The following VDAC1 variants were observed in gnomAD, a reference collection of about 807,000 sequenced individuals.
VDAC1 encodes the protein non-selective voltage-gated ion channel VDAC1.
Under a neutral mutation model 34.7 loss-of-function variants are expected in VDAC1, and 10 were observed. The observed-to-expected ratio is 0.29, with a 90% CI of 0.18 to 0.49. VDAC1 has a LOEUF of 0.49. Ranked by LOEUF, VDAC1 falls within the 20% of genes least tolerant of loss-of-function variation. The probability of loss-of-function intolerance (pLI) is 0.99; values close to 1 mark genes in which losing one functional copy is unlikely to be tolerated. For synonymous variants in VDAC1, 130 were observed against 136.0 expected, an observed-to-expected ratio of 0.96 and a Z score of 0.30; for missense variants, 230 against 347.9, an observed-to-expected ratio of 0.66 and a Z score of 2.69.
upstream of VDAC1, among the ~76,000 whole-genome samples, chr5:134,008,748 TG>T (rs1223472154): frequency 1.3e-5 from 2 of 152,218 alleles, no homozygotes; most frequent in Admixed American, 6.5e-5. Flanking sequence ...AAGGCAGAAA[TG>T]GTAGTCATTT....
At chr5:134,094,979 C>G in the VDAC1 span, among the ~76,000 whole-genome samples, 1 of 152,226 alleles carries the variant, frequency 6.6e-6, no homozygotes, top group Non-Finnish European at 1.5e-5. Context: ...CCAAGAGTCA[C>G]CCCATTTGGG....
At chr5:134,077,016 C>A in the VDAC1 span, among the ~76,000 whole-genome samples, 1 of 152,122 alleles carries the variant, frequency 6.6e-6, no homozygotes, top group Admixed American at 6.6e-5. Context: ...CGGTAGCTCA[C>A]CGCTGTAATC....
At chr5:134,059,548 C>T in the VDAC1 span, among the ~76,000 whole-genome samples, 7 of 152,156 alleles carry the variant, frequency 4.6e-5, no homozygotes, top group South Asian at 4.2e-4. Context: ...GCTAGAAGCC[C>T]GTCGCGCTGT....
chr5:134,082,857 T>C, the VDAC1 span, among the ~76,000 whole-genome samples: 1 of 152,246 alleles, frequency 6.6e-6, no homozygotes, highest in Non-Finnish European at 1.5e-5. Flanking sequence ...TTGTCAGCCA[T>C]TCCTATATAT....
chr5:134,036,776 A>C, the VDAC1 span, among the ~76,000 whole-genome samples: 1 of 151,872 alleles, frequency 6.6e-6, no homozygotes, highest in East Asian at 1.9e-4. Flanking sequence ...ACACAGTGAA[A>C]CCTCATCTCT....
chr5:134,043,277 A>T, the VDAC1 span, among the ~76,000 whole-genome samples: 1 of 152,218 alleles, frequency 6.6e-6, no homozygotes, highest in Non-Finnish European at 1.5e-5. Context: ...GCCCAGTCTC[A>T]TGTGAGCTTC....
chr5:133,972,435 TC>T lies in VDAC1; in HGVS notation c.*335del. On this transcript the variant is annotated 3_prime_UTR_variant, in exon 9 of 9. Transcript: ENST00000265333. ...GAACCAAGGTTCGATTCTCAGGAAA[TC>T]ACAATTTCATTCATTTACTCAATAT... is the stretch of plus-strand genomic sequence containing the variant. 1 of 429,824 alleles carries T rather than the reference TC, an allele frequency of 2.3e-6. No individual in the cohort carries two copies. The highest frequency in any genetic ancestry group is 3.4e-5 in the East Asian group (1 of 29,066). The allele number at this position is 429,824 out of a possible 1,614,324, so 26.6% of individuals were successfully genotyped here.
At chr5:134,092,675 CAAAAAAAAAAA>C in the VDAC1 span, among the ~76,000 whole-genome samples, 5 of 97,038 alleles carry the variant, frequency 5.2e-5, no homozygotes, top group South Asian at 1.6e-3. Context: ...GATTCCGTCT[CAAAAAAAAAAA>C]AAAAAAGATG....
the VDAC1 span, among the ~76,000 whole-genome samples, chr5:134,077,076 C>T: frequency 6.6e-6 from 1 of 152,026 alleles, no homozygotes; most frequent in Admixed American, 6.5e-5. Flanking sequence ...GCCAGGAGTT[C>T]GAGACCAGTC....
chr5:134,035,439 G>C, the VDAC1 span, among the ~76,000 whole-genome samples: 1 of 152,116 alleles, frequency 6.6e-6, no homozygotes, highest in East Asian at 1.9e-4. Context: ...GTAGAAAAGA[G>C]GTCTCATCAT....
the VDAC1 span, among the ~76,000 whole-genome samples, chr5:134,110,801 T>C: frequency 6.6e-6 from 1 of 152,260 alleles, no homozygotes; most frequent in Non-Finnish European, 1.5e-5. Context: ...AGGGTCTCCC[T>C]GTCAGAAAAG....
chr5:134,089,083 G>A, the VDAC1 span, among the ~76,000 whole-genome samples: 2 of 152,242 alleles, frequency 1.3e-5, no homozygotes, highest in African/African-American at 2.4e-5. Flanking sequence ...GCCTGCACCA[G>A]CCAGGGGTGC....
the VDAC1 span, among the ~76,000 whole-genome samples, chr5:134,063,450 T>C: frequency 6.6e-6 from 1 of 152,170 alleles, no homozygotes; most frequent in African/African-American, 2.4e-5. Context: ...ATTGATTCAG[T>C]GATTTGCTTT....
chr5:133,992,267 A>G (rs758023709), intron 3 of VDAC1, 39 bp downstream of exon 3: 4 of 1,360,462 alleles, frequency 2.9e-6, no homozygotes, highest in African/African-American at 3.0e-5. Context: ...AAATAAAAAT[A>G]AATAAATACT....
the VDAC1 span, among the ~76,000 whole-genome samples, chr5:134,097,838 C>T: frequency 6.6e-6 from 1 of 152,234 alleles, no homozygotes; most frequent in East Asian, 1.9e-4. Context: ...ACAAGTCTTG[C>T]CAACACAAGG....
At chr5:134,069,093 G>A in the VDAC1 span, among the ~76,000 whole-genome samples, 5,733 of 150,908 alleles carry the variant, frequency 0.038, 370 homozygotes, top group African/African-American at 0.13. Context: ...CACCCACACA[G>A]CCACCCCCCA....
the VDAC1 span, among the ~76,000 whole-genome samples, chr5:134,068,157 A>G: frequency 6.6e-6 from 1 of 152,116 alleles, no homozygotes; most frequent in African/African-American, 2.4e-5. Flanking sequence ...CTTCACTTCA[A>G]TTACTCTACT....
At chr5:134,003,983 C>T (rs1753659246) in intron 1 of VDAC1, among the ~76,000 whole-genome samples, 1 of 152,254 alleles carries the variant, frequency 6.6e-6, no homozygotes, top group South Asian at 2.1e-4. Context: ...CATCCTTCCC[C>T]GTGGGGCCTC....
the VDAC1 span, among the ~76,000 whole-genome samples, chr5:134,027,659 CACTA>C: frequency 6.6e-6 from 1 of 152,076 alleles, no homozygotes; most frequent in African/African-American, 2.4e-5. Flanking sequence ...ACACAACCAA[CACTA>C]ACTTTCATTT....
Sources: allele counts gnomAD v4.1 joint callset (sites outside exome capture counted in the v4.1 genomes callset), GRCh38; gene constraint gnomAD v4.1.1; transcripts MANE v1.5; gene names NCBI Gene and HGNC (gene_info 2026-07-23, HGNC 2026-07-21).